KCNJ3: variants seen among roughly 807,000 people sequenced by gnomAD.
The protein encoded by KCNJ3 is potassium inwardly rectifying channel subfamily J member 3.
KCNJ3 carries 4 observed loss-of-function variants against 39.2 expected under a neutral mutation model. The ratio of observed to expected loss-of-function variants is 0.10; its 90% confidence interval spans 0.05 to 0.23. The LOEUF is 0.23. KCNJ3 is among the 10% of genes least tolerant of loss of function. The pLI is 1.00. For missense variants in KCNJ3, 276 were observed against 634.9 expected, an observed-to-expected ratio of 0.43 and a Z score of 6.08; for synonymous variants, 230 against 237.4, an observed-to-expected ratio of 0.97 and a Z score of 0.29.
rs552116018 is a variant in KCNJ3 at position 154,770,763 on chromosome 2, C to T, written c.919+60944C>T. On this transcript the variant is annotated intron_variant, in intron 2 of 2. Transcript: ENST00000295101. ...TCTCTGGATGACAGCTGTTCTATAA[C>T]AAAATACTCAAGACATCATTTTGAA... is the stretch of plus-strand genomic sequence containing the variant. Among the ~76,000 whole-genome samples the T allele has an allele frequency of 2.6e-5, 4 of 152,008 alleles. No individual in the cohort carries two copies. The East Asian group carries it at 7.7e-4, about 29-fold the overall frequency.
chr2:154,705,360 C>G (rs1479092522), intron 1 of KCNJ3, among the ~76,000 whole-genome samples: 1 of 152,116 alleles, frequency 6.6e-6, no homozygotes, highest in South Asian at 2.1e-4. Flanking sequence ...ATGTGTGTGT[C>G]TGTCTGTCTT....
chr2:154,796,841 TA>T (rs1344281805), intron 2 of KCNJ3, among the ~76,000 whole-genome samples: 3 of 152,168 alleles, frequency 2.0e-5, no homozygotes, highest in Admixed American at 1.3e-4. Flanking sequence ...TTCAATTTTA[TA>T]AAATATTCTC....
Position 154,740,721 on chromosome 2 carries a change from T to C in KCNJ3, c.919+30902T>C, listed in dbSNP as rs1258981461. Among the ~76,000 whole-genome samples, 4 of 151,980 alleles carry C rather than the reference T, an allele frequency of 2.6e-5. No homozygotes were observed. In the South Asian group the frequency reaches 8.3e-4, roughly 31 times the overall value. ...TATATTTTTTGGTGAAAGTTTTATATAATCAAAAAAATGACAATTCTTGCA... is the reference window on the plus strand; with the variant it reads ...TATATTTTTTGGTGAAAGTTTTATACAATCAAAAAAATGACAATTCTTGCA... On this transcript the variant is annotated intron_variant, in intron 2 of 2. Coordinates refer to ENST00000295101, the MANE Select transcript of KCNJ3 (RefSeq NM_002239.4).
In KCNJ3 at chr2:154,773,412, A is replaced by G. The variant is rs140498342; in HGVS notation, c.919+63593A>G. Among the ~76,000 whole-genome samples, 5 of 152,212 alleles carry G rather than the reference A, an allele frequency of 3.3e-5. No homozygotes were observed. In the East Asian group the frequency reaches 9.7e-4, roughly 29 times the overall value. On this transcript the variant is annotated intron_variant, in intron 2 of 2. Transcript: ENST00000295101. ...GGGTTGGCTTAAGTGTGATTCTGAAAATAGGAATTTGGGGGTAGATTAAAG... is the reference window on the plus strand; with the variant it reads ...GGGTTGGCTTAAGTGTGATTCTGAAGATAGGAATTTGGGGGTAGATTAAAG...
chr2:154,725,098 A>G (rs1282095547), intron 2 of KCNJ3, among the ~76,000 whole-genome samples: 1 of 151,378 alleles, frequency 6.6e-6, no homozygotes, highest in Non-Finnish European at 1.5e-5. Flanking sequence ...CCTTCAAGAA[A>G]TATAACCTTA....
intron 2 of KCNJ3, among the ~76,000 whole-genome samples, chr2:154,745,779 T>C (rs2105177880): frequency 6.6e-6 from 1 of 152,188 alleles, no homozygotes; most frequent in South Asian, 2.1e-4. Context: ...AACTTGATCT[T>C]ATCTAAATTT....
rs938783806 is a variant in KCNJ3, at chr2:154,856,213, G to A, written c.*900G>A. 9 of 152,442 alleles carry A rather than the reference G, an allele frequency of 5.9e-5. No homozygotes were observed. Among genetic ancestry groups the A allele is most frequent in the Non-Finnish European group, 1.3e-4 (9 of 67,972 alleles). 9.4% of individuals were successfully genotyped at this position (152,442 alleles called of 1,614,324 possible). On this transcript the variant is annotated 3_prime_UTR_variant, in exon 3 of 3. Coordinates refer to ENST00000295101, the MANE Select transcript of KCNJ3 (RefSeq NM_002239.4). Reference sequence around the variant, plus strand: ...TAATTAAAATCTGGAAATCTGTTTTGTATATGATCTAATACAAAGATGAGC... The same window carrying A: ...TAATTAAAATCTGGAAATCTGTTTTATATATGATCTAATACAAAGATGAGC...
At chr2:154,772,007 C>A (rs1686250830) in intron 2 of KCNJ3, among the ~76,000 whole-genome samples, 1 of 152,070 alleles carries the variant, frequency 6.6e-6, no homozygotes, top group Admixed American at 6.6e-5. Context: ...AGAGAAACCA[C>A]CCAAGGTTGA....
chr2:154,798,188 G>GCACACACACACA (rs57495585), intron 2 of KCNJ3, among the ~76,000 whole-genome samples: 5 of 114,760 alleles, frequency 4.4e-5, no homozygotes, highest in African/African-American at 1.5e-4. Context: ...TTCGAACACC[G>GCACACACACACA]CACACACACA....
In KCNJ3 at chr2:154,698,964, G is replaced by A. The variant is rs750265589; in HGVS notation, c.189G>A (p.Glu63=). The A allele has an allele frequency of 1.2e-6, 2 of 1,614,052 alleles. No homozygotes were observed. Among genetic ancestry groups the A allele is most frequent in the Admixed American group, 1.7e-5 (1 of 60,002 alleles). ...CNVQHGNLGS[E]TSRYLSDLFT... ...TACAGCACGGCAACCTGGGCAGCGA[G>A]ACAAGCCGCTACCTCTCGGACCTCT... Residue 63 remains glutamate (E), a synonymous_variant, in exon 1 of 3, where the codon GAG becomes GAA. Coordinates refer to ENST00000295101, the MANE Select transcript of KCNJ3 (RefSeq NM_002239.4).
At chr2:154,845,756 A>AGGTC (rs1345530139) in intron 2 of KCNJ3, among the ~76,000 whole-genome samples, 2 of 152,074 alleles carry the variant, frequency 1.3e-5, no homozygotes, top group African/African-American at 4.8e-5. Flanking sequence ...GGATCACTTG[A>AGGTC]GGTCAGGAGT....
Position 154,801,534 on chromosome 2 carries a change from C to CTTCT in KCNJ3, c.920-53178_920-53175dup, listed in dbSNP as rs753900791. Among the ~76,000 whole-genome samples, 18 of 139,052 alleles carry CTTCT rather than the reference C, an allele frequency of 1.3e-4. 2 individuals carry two copies. The highest frequency in any genetic ancestry group is 4.6e-4 in the South Asian group (2 of 4,350). 91.2% of individuals were successfully genotyped at this position (139,052 alleles called of 152,430 possible). A position where few individuals can be genotyped will look rare whatever the true frequency, so the allele number is the denominator to read the frequency against. On this transcript the variant is annotated intron_variant, in intron 2 of 2. Coordinates refer to ENST00000295101, the MANE Select transcript of KCNJ3 (RefSeq NM_002239.4). ...TTTCTTTTCTTTCTTTCCTTCTTTC[C>CTTCT]TTCTTTCTTTCTTTCTTTTCTTTTC...
At chr2:154,845,760 C>T (rs1488038152) in intron 2 of KCNJ3, among the ~76,000 whole-genome samples, 1 of 151,996 alleles carries the variant, frequency 6.6e-6, no homozygotes, top group Non-Finnish European at 1.5e-5. Flanking sequence ...CACTTGAGGT[C>T]AGGAGTTCGA....
chr2:154,747,801 T>C lies in KCNJ3; in HGVS notation c.919+37982T>C, dbSNP rs187189596. Among the ~76,000 whole-genome samples, 4 of 152,158 alleles carry C rather than the reference T, an allele frequency of 2.6e-5. No individual in the cohort carries two copies. The East Asian group carries it at 7.7e-4, about 29-fold the overall frequency. On this transcript the variant is annotated intron_variant, in intron 2 of 2. Transcript: ENST00000295101. ...ACCCAGATAAAGGCCTGTTGTTTGA[T>C]AGGTGATGTATGGCTCCTGGGAGCT...
intron 2 of KCNJ3, among the ~76,000 whole-genome samples, chr2:154,782,412 A>G (rs1574460579): frequency 6.6e-6 from 1 of 152,186 alleles, no homozygotes; most frequent in Non-Finnish European, 1.5e-5. Context: ...GTTAGCTTTA[A>G]TTATTTACTT....
chr2:154,837,298 A>G (rs569236314), intron 2 of KCNJ3, among the ~76,000 whole-genome samples: 2 of 152,312 alleles, frequency 1.3e-5, no homozygotes, highest in Admixed American at 1.3e-4. Context: ...ATGATTATAT[A>G]TAATTTATGT....
intron 2 of KCNJ3, among the ~76,000 whole-genome samples, chr2:154,712,205 T>C (rs1185523961): frequency 1.3e-5 from 2 of 152,208 alleles, no homozygotes; most frequent in African/African-American, 4.8e-5. Flanking sequence ...TCCCTGAGCC[T>C]GGTAAAAATA....
chr2:154,753,504 A>G (rs1685884291), intron 2 of KCNJ3, among the ~76,000 whole-genome samples: 1 of 152,088 alleles, frequency 6.6e-6, no homozygotes, highest in Non-Finnish European at 1.5e-5. Context: ...TCCTTCACTC[A>G]AGTTTCAATT....
chr2:154,788,783 T>TA (rs1005172234), intron 2 of KCNJ3, among the ~76,000 whole-genome samples: 10 of 151,438 alleles, frequency 6.6e-5, no homozygotes, highest in African/African-American at 1.2e-4. Context: ...TTTTTTTTTT[T>TA]AAAAAGAAAC....
Sources: allele counts gnomAD v4.1 joint callset (sites outside exome capture counted in the v4.1 genomes callset), GRCh38; gene constraint gnomAD v4.1.1; transcripts MANE v1.5; gene names NCBI Gene and HGNC (gene_info 2026-07-23, HGNC 2026-07-21).